The following MTRF1 variants were observed in gnomAD, a reference collection of about 807,000 sequenced individuals.
The protein encoded by MTRF1 is peptide chain release factor 1, mitochondrial.
A neutral mutation model predicts 62.9 loss-of-function variants in MTRF1; 51 were observed. The observed-to-expected ratio is 0.81, with a 90% CI of 0.65 to 1.02. MTRF1 has a LOEUF of 1.02. Among genes scored for constraint, MTRF1 ranks in the 50% least tolerant of loss-of-function variants. The pLI is 0.00. For missense variants in MTRF1, 446 were observed against 530.0 expected (o/e 0.84, Z 1.56); for synonymous variants, 158 against 181.9 (o/e 0.87, Z 1.06).
chr13:41,302,339 T>C, the MTRF1 span, among the ~76,000 whole-genome samples: 1 of 151,720 alleles, frequency 6.6e-6, no homozygotes, highest in Non-Finnish European at 1.5e-5. Context: ...CAAGAATCTT[T>C]CTTAGGGTGC....
intron 8 of MTRF1, among the ~76,000 whole-genome samples, chr13:41,225,197 G>A (rs896951321): frequency 4.4e-4 from 54 of 121,412 alleles, no homozygotes; most frequent in African/African-American, 1.6e-3. Context: ...GGGTGACAGA[G>A]AGAATCTGTC....
intron 5 of MTRF1, among the ~76,000 whole-genome samples, chr13:41,243,008 CAGG>C (rs1381869775): frequency 1.3e-5 from 2 of 152,038 alleles, no homozygotes; most frequent in African/African-American, 4.8e-5. Context: ...ATCACAAGGT[CAGG>C]AGTTCGAGAC....
chr13:41,240,080 T>C (rs991914842), intron 6 of MTRF1, among the ~76,000 whole-genome samples, 181 bp downstream of exon 6: 1 of 152,020 alleles, frequency 6.6e-6, no homozygotes, highest in African/African-American at 2.4e-5. Flanking sequence ...GGAGAATTGT[T>C]TGAACCAGGG....
At chr13:41,220,898 GTCCAC>G (rs1465445740) in intron 9 of MTRF1, among the ~76,000 whole-genome samples, 1 of 152,072 alleles carries the variant, frequency 6.6e-6, no homozygotes, top group Non-Finnish European at 1.5e-5. Flanking sequence ...TTATTTGGGT[GTCCAC>G]TCCAAACAAA....
the MTRF1 span, among the ~76,000 whole-genome samples, chr13:41,299,215 G>A: frequency 6.6e-6 from 1 of 151,830 alleles, no homozygotes; most frequent in Non-Finnish European, 1.5e-5. Context: ...AAAAGAGAGA[G>A]AGAGAGAAAG....
intron 5 of MTRF1, among the ~76,000 whole-genome samples, chr13:41,250,721 C>G (rs1030041782): frequency 1.3e-4 from 20 of 152,076 alleles, no homozygotes; most frequent in African/African-American, 4.6e-4. Context: ...CTCGAACTGT[C>G]TCCCGAAGTG....
In MTRF1 at chr13:41,256,476, A is replaced by G. The variant is rs1055960611; in HGVS notation, c.416-1856T>C. Among the ~76,000 whole-genome samples, 8 of 152,004 alleles carry G rather than the reference A, an allele frequency of 5.3e-5. No individual in the cohort carries two copies. The East Asian group carries it at 1.5e-3, about 29-fold the overall frequency. On this transcript the variant is annotated intron_variant, in intron 2 of 9. Transcript: ENST00000379480. ...CGAGTAGTTGAGATTACAGGCGCGC[A>G]CCACCACACCCAGCTAATTTTTGTA... is the stretch of plus-strand genomic sequence containing the variant.
chr13:41,285,443 C>T, the MTRF1 span, among the ~76,000 whole-genome samples: 1 of 152,184 alleles, frequency 6.6e-6, no homozygotes, highest in Admixed American at 6.5e-5. Flanking sequence ...CCCTGGATCA[C>T]CCAGCATGGC....
chr13:41,250,723 C>G (rs1029203221), intron 5 of MTRF1, among the ~76,000 whole-genome samples: 2 of 152,108 alleles, frequency 1.3e-5, no homozygotes, highest in African/African-American at 4.8e-5. Context: ...CGAACTGTCT[C>G]CCGAAGTGCT....
At chr13:41,307,151 A>T in the MTRF1 span, among the ~76,000 whole-genome samples, 1 of 151,440 alleles carries the variant, frequency 6.6e-6, no homozygotes, top group Non-Finnish European at 1.5e-5. Context: ...CCCCCACACT[A>T]GTGTAGACAA....
chr13:41,249,953 G>T (rs1203903145), intron 5 of MTRF1, among the ~76,000 whole-genome samples: 1 of 151,318 alleles, frequency 6.6e-6, no homozygotes, highest in Non-Finnish European at 1.5e-5. Context: ...TAAAATATTT[G>T]TAATGTTTTT....
chr13:41,272,841 CA>C, the MTRF1 span, among the ~76,000 whole-genome samples: 1 of 151,566 alleles, frequency 6.6e-6, no homozygotes, highest in East Asian at 1.9e-4. Context: ...AGTAAAATGC[CA>C]AAAAAAGGCA....
At chr13:41,311,624 G>C in the MTRF1 span, 6 of 1,577,160 alleles carry the variant, frequency 3.8e-6, no homozygotes, top group South Asian at 5.7e-5. Context: ...CGGTCCCCGG[G>C]TCCTCGGGCC....
At chr13:41,249,347 C>G (rs1019315618) in intron 5 of MTRF1, among the ~76,000 whole-genome samples, 11 of 152,054 alleles carry the variant, frequency 7.2e-5, no homozygotes, top group Admixed American at 2.0e-4. Flanking sequence ...GGAGACCATC[C>G]TGGCTAACAC....
chr13:41,268,972 C>T, the MTRF1 span, among the ~76,000 whole-genome samples: 1 of 150,366 alleles, frequency 6.7e-6, no homozygotes, highest in African/African-American at 2.4e-5. Flanking sequence ...CTTACACAGA[C>T]CATTCATGAC....
chr13:41,254,927 C>T (rs917176453), intron 2 of MTRF1, among the ~76,000 whole-genome samples: 35 of 151,618 alleles, frequency 2.3e-4, no homozygotes, highest in Non-Finnish European at 3.5e-4. Context: ...CAAAAATATG[C>T]TTAATATAGA....
chr13:41,290,089 CTTTTTTTTTTTTT>C, the MTRF1 span, among the ~76,000 whole-genome samples: 2 of 78,498 alleles, frequency 2.5e-5, no homozygotes, highest in African/African-American at 5.0e-5. Flanking sequence ...TGTAATAGTT[CTTTTTTTTTTTTT>C]TTTTTTTTTT....
At chr13:41,278,649 C>T in the MTRF1 span, among the ~76,000 whole-genome samples, 1 of 152,220 alleles carries the variant, frequency 6.6e-6, no homozygotes, top group South Asian at 2.1e-4. Context: ...GTATCAGCCA[C>T]TGCATTGGTC....
chr13:41,266,893 G>A (rs1344905672), upstream of MTRF1, among the ~76,000 whole-genome samples: 4 of 151,632 alleles, frequency 2.6e-5, no homozygotes, highest in Admixed American at 6.6e-5. Context: ...TACTTGGGAG[G>A]CTGAGGCAGG....
Sources: allele counts gnomAD v4.1 joint callset (sites outside exome capture counted in the v4.1 genomes callset), GRCh38; gene constraint gnomAD v4.1.1; transcripts MANE v1.5; gene names NCBI Gene and HGNC (gene_info 2026-07-23, HGNC 2026-07-21).